USH2A: variants seen among roughly 807,000 people sequenced by gnomAD.
The protein encoded by USH2A is usherin, also known as Usher syndrome 2A (autosomal recessive, mild).
USH2A carries 443 observed loss-of-function variants against 538.9 expected under a neutral mutation model. The observed-to-expected ratio is 0.82, with a 90% confidence interval of 0.76 to 0.89. USH2A has a LOEUF of 0.89. Ranked by LOEUF, USH2A falls within the 40% of genes least tolerant of loss-of-function variation. USH2A has a pLI of 0.00. For missense variants in USH2A, 6,633 were observed against 6,324.8 expected (o/e 1.05, Z -1.65); for synonymous variants, 2,413 against 2,273.5 (o/e 1.06, Z -1.75).
intron 2 of USH2A, among the ~76,000 whole-genome samples, chr1:216,420,547 C>T (rs2039659031): frequency 6.6e-6 from 1 of 152,088 alleles, no homozygotes; most frequent in African/African-American, 2.4e-5. Flanking sequence ...AAACCATTAA[C>T]CATGTTCTTC....
At chr1:216,013,858 G>A (rs565237584) in intron 32 of USH2A, among the ~76,000 whole-genome samples, 7 of 152,126 alleles carry the variant, frequency 4.6e-5, no homozygotes, top group Admixed American at 2.6e-4. Context: ...CTCTTCACAC[G>A]GACTCACATG....
chr1:215,983,248 C>T (rs1462817114), intron 35 of USH2A, among the ~76,000 whole-genome samples: 1 of 152,168 alleles, frequency 6.6e-6, no homozygotes, highest in Admixed American at 6.5e-5. Context: ...AGGCTTGAGC[C>T]ACCACGCCTG....
At chr1:216,053,697 C>G (rs993865569) in intron 30 of USH2A, among the ~76,000 whole-genome samples, 1 of 151,984 alleles carries the variant, frequency 6.6e-6, no homozygotes, top group Non-Finnish European at 1.5e-5. Flanking sequence ...CGTGGGTATC[C>G]GGATTAAAAT....
chr1:216,021,620 C>T (rs941194329), intron 32 of USH2A, among the ~76,000 whole-genome samples: 1 of 152,192 alleles, frequency 6.6e-6, no homozygotes, highest in Admixed American at 6.5e-5. Flanking sequence ...AGCCTGCTAA[C>T]ATGCCCTGCA....
At chr1:215,653,391 A>G (rs905786465) in intron 64 of USH2A, among the ~76,000 whole-genome samples, 2 of 152,226 alleles carry the variant, frequency 1.3e-5, no homozygotes, top group African/African-American at 2.4e-5. Context: ...TTCATAATAC[A>G]TTACTCTTTT....
At chr1:216,087,661 C>A (rs1038295659) in intron 23 of USH2A, among the ~76,000 whole-genome samples, 2 of 151,984 alleles carry the variant, frequency 1.3e-5, no homozygotes, top group African/African-American at 4.8e-5. Flanking sequence ...TAGATTTAGC[C>A]CATGGTGATA....
intron 52 of USH2A, among the ~76,000 whole-genome samples, chr1:215,786,368 G>T (rs1444593002): frequency 6.6e-6 from 1 of 152,096 alleles, no homozygotes; most frequent in South Asian, 2.1e-4. Flanking sequence ...TTTTGAAAAA[G>T]GAAATTGGAT....
At chr1:216,175,104 T>C (rs1031001531) in intron 21 of USH2A, 148 bp downstream of exon 21, 4 of 1,490,740 alleles carry the variant, frequency 2.7e-6, no homozygotes, top group Non-Finnish European at 2.7e-6. Context: ...ATGGACATGC[T>C]GAAACAATCA....
chr1:215,743,056 C>A, intron 59 of USH2A, 121 bp downstream of exon 59: 27 of 1,259,220 alleles, frequency 2.1e-5, no homozygotes, highest in Non-Finnish European at 3.0e-5. Context: ...CAGTCCACTA[C>A]AAATAAGAAG....
rs748863844 is a variant in USH2A at position 215,877,855 on chromosome 1, G to T, written c.8584C>A (p.Gln2862Lys). 6.2e-7 allele frequency: 1 copy of T among 1,613,728 alleles called. No homozygotes were observed. The highest frequency in any genetic ancestry group is 8.5e-7 in the Non-Finnish European group (1 of 1,179,722). The stretch of plus-strand genomic sequence containing the variant: ...GGGGGATTTGATGCAAGTGGCTGCT[G>T]GATTTTACGTCTCAGAAGCTCATAT... ...LRYELLRRKI[Q>K]QPLASNPPED... Residue 2862 changes from glutamine (Q) to lysine (K), a missense_variant, in exon 43 of 72, where the codon CAG becomes AAG. Gln to Lys is a moderately conservative substitution (Grantham distance 53). Transcript: ENST00000307340.
chr1:216,246,320 C>T (rs1226048745), intron 13 of USH2A, among the ~76,000 whole-genome samples: 3 of 152,120 alleles, frequency 2.0e-5, no homozygotes, highest in Non-Finnish European at 2.9e-5. Context: ...AGATTTACTT[C>T]AAGTGTAGAA....
intron 44 of USH2A, among the ~76,000 whole-genome samples, chr1:215,857,407 T>TG (rs1176890030): frequency 3.3e-5 from 5 of 152,160 alleles, no homozygotes; most frequent in Non-Finnish European, 1.5e-5. Context: ...CATAAAGGGT[T>TG]GCAGCCTGCA....
rs1036327148 is a variant in USH2A at position 215,761,412 on chromosome 1, T to C, written c.11048-1569A>G. Among the ~76,000 whole-genome samples the C allele has an allele frequency of 2.6e-5, 4 of 152,296 alleles. No individual in the cohort carries two copies. The South Asian group carries it at 8.3e-4, about 32-fold the overall frequency. On this transcript the variant is annotated intron_variant, in intron 56 of 71. Coordinates refer to ENST00000307340, the MANE Select transcript of USH2A (RefSeq NM_206933.4). ...AACACTCAAGACATCATAATCAAAT[T>C]CTTTCTTTGACATACTATTATTTTT...
At chr1:216,078,414 G>A (rs778416702) in intron 26 of USH2A, 52 bp from the exon 27 acceptor site, 1 of 1,563,662 alleles carries the variant, frequency 6.4e-7, no homozygotes, top group Non-Finnish European at 8.8e-7. Context: ...CTGCAGAAGG[G>A]CAGTTTGGGA....
chr1:215,899,262 G>C (rs187859507), intron 40 of USH2A, among the ~76,000 whole-genome samples: 1 of 152,140 alleles, frequency 6.6e-6, no homozygotes, highest in Non-Finnish European at 1.5e-5. Flanking sequence ...GCATGGCAAT[G>C]GGCCAGCAGA....
intron 47 of USH2A, among the ~76,000 whole-genome samples, chr1:215,818,509 T>C (rs1361508324): frequency 6.6e-6 from 1 of 151,874 alleles, no homozygotes; most frequent in Non-Finnish European, 1.5e-5. Flanking sequence ...ATTGTCATGT[T>C]CTTAAAGAAA....
chr1:216,091,927 C>T (rs1292859356), intron 22 of USH2A, among the ~76,000 whole-genome samples: 1 of 152,100 alleles, frequency 6.6e-6, no homozygotes, highest in Non-Finnish European at 1.5e-5. Flanking sequence ...CATGGTGTCT[C>T]ATGTCTGTAA....
chr1:216,337,550 G>A (rs1184635761), intron 4 of USH2A, among the ~76,000 whole-genome samples: 3 of 151,464 alleles, frequency 2.0e-5, no homozygotes, highest in East Asian at 3.9e-4. Flanking sequence ...AGTTTTTAAC[G>A]TGATATGGCA....
chr1:216,196,096 A>T (rs973978703), intron 19 of USH2A, among the ~76,000 whole-genome samples: 61 of 152,316 alleles, frequency 4.0e-4, no homozygotes, highest in African/African-American at 1.4e-3. Flanking sequence ...AAGCTGTGAT[A>T]AATTCAATTC....
Sources: gnomAD v4.1 joint callset for allele counts (sites outside exome capture counted in the v4.1 genomes callset) on GRCh38, gnomAD v4.1.1 for gene constraint, MANE v1.5 for transcripts, NCBI Gene and HGNC (gene_info 2026-07-23, HGNC 2026-07-21) for gene names.